DMD: variants seen among roughly 807,000 people sequenced by gnomAD.
DMD encodes mutant dystrophin.
In DMD, 63 loss-of-function variants were observed where a neutral mutation model predicts 330.1. That is an observed-to-expected ratio of 0.19 (90% confidence interval 0.16 to 0.24). The LOEUF (loss-of-function observed/expected upper bound fraction) is 0.24. Among genes scored for constraint, DMD ranks in the 10% least tolerant of loss-of-function variants. The probability of loss-of-function intolerance (pLI) is 1.00; values close to 1 mark genes in which losing one functional copy is unlikely to be tolerated. For missense variants in DMD, 3,344 were observed against 2,684.1 expected (o/e 1.25, Z -5.43); for synonymous variants, 1,223 against 959.8 (o/e 1.27, Z -5.07).
chrX:32,428,248 T>C (rs939291856), intron 29 of DMD, among the ~76,000 whole-genome samples: 2 of 112,087 alleles, frequency 1.8e-5, no homozygotes, highest in Non-Finnish European at 1.9e-5. Flanking sequence ...TCTATGAATT[T>C]TAACCATCCA....
chrX:31,501,340 C>G (rs2147115472), intron 56 of DMD, among the ~76,000 whole-genome samples: 1 of 112,167 alleles, frequency 8.9e-6, no homozygotes, highest in Non-Finnish European at 1.9e-5. Context: ...TAAAGTTTGT[C>G]TTTTAACATT....
intron 47 of DMD, among the ~76,000 whole-genome samples, chrX:31,886,761 T>C (rs747514752): frequency 9.1e-4 from 102 of 112,038 alleles, no homozygotes; most frequent in Non-Finnish European, 1.7e-3. Flanking sequence ...TAGGTTTTTG[T>C]AGTTCATATC....
At chrX:31,424,374 CTG>C (rs1347334672) in intron 60 of DMD, among the ~76,000 whole-genome samples, 2 of 111,771 alleles carry the variant, frequency 1.8e-5, no homozygotes, top group Admixed American at 1.9e-4. Context: ...TCTGCATAGA[CTG>C]TGATTGGACA....
chrX:31,969,843 G>A (rs768793863), intron 44 of DMD, among the ~76,000 whole-genome samples: 5 of 111,569 alleles, frequency 4.5e-5, no homozygotes, highest in Non-Finnish European at 7.5e-5. Context: ...CTATTCACAA[G>A]CTGTCCTGGC....
chrX:31,453,471 G>A (rs748265092), intron 59 of DMD, among the ~76,000 whole-genome samples: 12 of 110,300 alleles, frequency 1.1e-4, no homozygotes, highest in South Asian at 3.9e-4. Context: ...GGGGATTATC[G>A]TTGAATAGAC....
intron 43 of DMD, among the ~76,000 whole-genome samples, chrX:32,221,355 A>AAC (rs1195343046): frequency 6.1e-5 from 1 of 16,345 alleles, no homozygotes; most frequent in Non-Finnish European, 1.3e-4. Context: ...TGTGCGAATA[A>AAC]ATAAGTTAGT....
intron 52 of DMD, among the ~76,000 whole-genome samples, chrX:31,707,417 C>T (rs779002721): frequency 3.6e-5 from 4 of 110,557 alleles, no homozygotes; most frequent in African/African-American, 6.6e-5. Flanking sequence ...GAGCTAAGCA[C>T]TGAGCACACA....
intron 41 of DMD, among the ~76,000 whole-genome samples, chrX:32,336,006 TTATATATAACGTGTATATATAACGTTATA>T (rs1397665810): frequency 6.5e-5 from 6 of 92,032 alleles, no homozygotes; most frequent in Non-Finnish European, 2.2e-5. Flanking sequence ...ATATATAACG[TTATATATAACGTGTATATATAACGTTATA>T]TATAACGTGT....
intron 60 of DMD, among the ~76,000 whole-genome samples, chrX:31,442,819 G>C (rs1352466837): frequency 9.0e-6 from 1 of 111,368 alleles, no homozygotes; most frequent in Non-Finnish European, 1.9e-5. Flanking sequence ...AACTACTATG[G>C]AGCAAACAGA....
chrX:32,079,649 G>T (rs1421962356), intron 44 of DMD, among the ~76,000 whole-genome samples: 1 of 110,265 alleles, frequency 9.1e-6, no homozygotes, highest in Non-Finnish European at 1.9e-5. Context: ...AAAGAAAGAG[G>T]GAGGGAGGGG....
At chrX:31,145,805 G>A (rs1334389776) in intron 76 of DMD, among the ~76,000 whole-genome samples, 1 of 110,413 alleles carries the variant, frequency 9.1e-6, no homozygotes, top group African/African-American at 3.3e-5. Flanking sequence ...TGGGACTATA[G>A]GCGCCCACCA....
At chrX:32,049,101 A>G (rs180679896) in intron 44 of DMD, among the ~76,000 whole-genome samples, 16 of 111,627 alleles carry the variant, frequency 1.4e-4, no homozygotes, top group Admixed American at 6.7e-4. Context: ...TGTATTATCT[A>G]TATCTGGAGA....
rs567257470 is a variant in DMD, at chrX:32,183,509, T to C, written c.6438+33407A>G. On this transcript the variant is annotated intron_variant, in intron 44 of 78. Coordinates refer to ENST00000357033, the MANE Select transcript of DMD (RefSeq NM_004006.3). ...TAATTATTGAATTGGGTTAGTACTG[T>C]CCTTTGACCCATTAGTCCAAATACA... is the stretch of plus-strand genomic sequence containing the variant. Among the ~76,000 whole-genome samples the C allele has an allele frequency of 5.2e-4, 55 of 106,425 alleles. No individual in the cohort carries two copies. In the South Asian group the frequency reaches 0.013, roughly 26 times the overall value. 92.4% of individuals were successfully genotyped at this position (106,425 alleles called of 115,157 possible). A position where few individuals can be genotyped will look rare whatever the true frequency, so the allele number is the denominator to read the frequency against.
intron 52 of DMD, among the ~76,000 whole-genome samples, chrX:31,708,142 A>G (rs1247242595): frequency 8.9e-6 from 1 of 112,000 alleles, no homozygotes; most frequent in Non-Finnish European, 1.9e-5. Context: ...TTAAGTAGGT[A>G]TATTTGCACA....
intron 2 of DMD, among the ~76,000 whole-genome samples, chrX:32,918,680 C>G (rs181693367): frequency 2.7e-5 from 3 of 112,463 alleles, no homozygotes; most frequent in Non-Finnish European, 5.6e-5. Context: ...ATTTAAAATG[C>G]TTTCTTCATA....
At chrX:32,435,883 G>T (rs1299735294) in intron 29 of DMD, among the ~76,000 whole-genome samples, 1 of 111,565 alleles carries the variant, frequency 9.0e-6, no homozygotes, top group Non-Finnish European at 1.9e-5. Flanking sequence ...TCCATAGGCA[G>T]CTTCCTGGAG....
At chrX:32,064,980 C>T (rs940837569) in intron 44 of DMD, among the ~76,000 whole-genome samples, 7 of 111,269 alleles carry the variant, frequency 6.3e-5, no homozygotes, top group African/African-American at 1.3e-4. Context: ...GATGTCAGCC[C>T]GTGCTGATAA....
At chrX:31,565,456 G>C (rs1461802272) in intron 55 of DMD, among the ~76,000 whole-genome samples, 1 of 112,225 alleles carries the variant, frequency 8.9e-6, no homozygotes, top group African/African-American at 3.2e-5. Flanking sequence ...TCTAAAAGTT[G>C]TTGCATGTAT....
At position 32,486,784 on chromosome X, in the gene DMD, A is replaced by G. The variant is rs772372116; in HGVS notation, c.2623-1685T>C. On this transcript the variant is annotated intron_variant, in intron 20 of 78. Transcript: ENST00000357033. Reference sequence around the variant, plus strand: ...CCTATTTAATAAATGGTGCTGGGAAAACTGGCTAGCCATATGTAGAAAGCT... The same window carrying G: ...CCTATTTAATAAATGGTGCTGGGAAGACTGGCTAGCCATATGTAGAAAGCT... 2.5e-3 allele frequency among the ~76,000 whole-genome samples: 258 copies of G among 103,713 alleles called. 3 individuals are homozygous for G. The highest frequency in any genetic ancestry group is 4.3e-3 in the Non-Finnish European group (211 of 49,553). The allele number at this position is 103,713 out of a possible 115,157, so 90.1% of individuals were successfully genotyped here. A position where few individuals can be genotyped will look rare whatever the true frequency, so the allele number is the denominator to read the frequency against.
Sources: gnomAD v4.1 joint callset for allele counts (sites outside exome capture counted in the v4.1 genomes callset) on GRCh38, gnomAD v4.1.1 for gene constraint, MANE v1.5 for transcripts, NCBI Gene and HGNC (gene_info 2026-07-23, HGNC 2026-07-21) for gene names.